The following KIFAP3 variants were observed in gnomAD, a reference collection of about 807,000 sequenced individuals.
KIFAP3 encodes the protein kinesin-associated protein 3.
In KIFAP3, 68 loss-of-function variants were observed where a neutral mutation model predicts 106.5. The ratio of observed to expected loss-of-function variants is 0.64; its 90% CI spans 0.53 to 0.78. KIFAP3 has a LOEUF of 0.78. Among genes scored for constraint, KIFAP3 ranks in the 30% least tolerant of loss-of-function variants. The pLI is 0.00. For synonymous variants in KIFAP3, 320 were observed against 311.5 expected (o/e 1.03, Z -0.29); for missense variants, 780 against 941.8 (o/e 0.83, Z 2.25).
chr1:169,929,211 A>C (rs1450550423), intron 19 of KIFAP3, among the ~76,000 whole-genome samples: 1 of 152,196 alleles, frequency 6.6e-6, no homozygotes, highest in Non-Finnish European at 1.5e-5. Context: ...TGTGGCATCC[A>C]TTGCTGTCGC....
intron 11 of KIFAP3, chr1:169,990,182 G>A (rs1355792893): frequency 7.1e-7 from 1 of 1,407,074 alleles, no homozygotes; most frequent in Non-Finnish European, 9.6e-7. Context: ...ACACTTTACA[G>A]ATGTTTAGAG....
At chr1:170,061,285 G>C (rs1014619483) in intron 1 of KIFAP3, among the ~76,000 whole-genome samples, 4 of 151,734 alleles carry the variant, frequency 2.6e-5, no homozygotes, top group African/African-American at 9.7e-5. Flanking sequence ...CTAATATCCA[G>C]AATCTACAAT....
intron 10 of KIFAP3, among the ~76,000 whole-genome samples, chr1:170,010,870 T>C (rs1238739540): frequency 6.6e-6 from 1 of 152,016 alleles, no homozygotes; most frequent in African/African-American, 2.4e-5. Flanking sequence ...AAATCACTTA[T>C]GCTAAGTTCT....
intron 1 of KIFAP3, chr1:170,067,800 C>G (rs975969355): frequency 1.3e-5 from 2 of 152,182 alleles, no homozygotes; most frequent in Non-Finnish European, 2.9e-5. Context: ...CTGGGTCAAA[C>G]AAAACACAAG....
chr1:170,007,706 T>C (rs889547646), intron 10 of KIFAP3, among the ~76,000 whole-genome samples: 2 of 152,090 alleles, frequency 1.3e-5, no homozygotes, highest in Non-Finnish European at 2.9e-5. Context: ...AAGTAATTTA[T>C]AGATTCAATG....
chr1:170,070,495 A>G (rs1016912025), intron 1 of KIFAP3, among the ~76,000 whole-genome samples: 8 of 152,124 alleles, frequency 5.3e-5, no homozygotes, highest in Admixed American at 4.6e-4. Context: ...AAACCCCAAC[A>G]TTTTTGGTCA....
At chr1:170,076,003 C>A (rs116328003), upstream of KIFAP3, among the ~76,000 whole-genome samples, 1,488 of 152,092 alleles carry the variant, frequency 9.8e-3, 10 homozygotes, top group Middle Eastern at 0.017. Flanking sequence ...ATATAGCAGG[C>A]TAGATTACTT....
chr1:170,052,795 T>C (rs754444460), intron 2 of KIFAP3, among the ~76,000 whole-genome samples: 22 of 152,060 alleles, frequency 1.4e-4, no homozygotes, highest in Admixed American at 7.2e-4. Flanking sequence ...TTCAACATCT[T>C]TTTATGTTAA....
chr1:170,070,520 A>G (rs994408812), intron 1 of KIFAP3, among the ~76,000 whole-genome samples: 1 of 152,112 alleles, frequency 6.6e-6, no homozygotes, highest in Non-Finnish European at 1.5e-5. Context: ...ATTTTCAAAA[A>G]AATTGCCCAA....
At chr1:169,945,901 C>T (rs191827112) in intron 19 of KIFAP3, among the ~76,000 whole-genome samples, 48 of 152,178 alleles carry the variant, frequency 3.2e-4, no homozygotes, top group Admixed American at 2.4e-3. Context: ...AGGTTATAGG[C>T]CCAATTTACT....
intron 7 of KIFAP3, among the ~76,000 whole-genome samples, chr1:170,033,881 C>A (rs1006066219): frequency 6.6e-6 from 1 of 151,794 alleles, no homozygotes; most frequent in Admixed American, 6.6e-5. Flanking sequence ...TTCACAGGTT[C>A]TATTATTCTA....
In KIFAP3 at chr1:170,040,270, G is replaced by A. The variant is rs574021990; in HGVS notation, c.320-982C>T. ...ATAAGGTTTCTGGCTTTGGAATACC[G>A]CTTACCAAGTAAAAGAGTTTTAACA... On this transcript the variant is annotated intron_variant, in intron 3 of 19. Transcript: ENST00000361580. Among the ~76,000 whole-genome samples, 15 of 152,084 alleles carry A rather than the reference G, an allele frequency of 9.9e-5. No homozygotes were observed. The East Asian group carries it at 1.7e-3, about 18-fold the overall frequency.
intron 18 of KIFAP3, 101 bp from the exon 19 acceptor site, chr1:169,954,211 A>C (rs893934908): frequency 9.6e-6 from 7 of 728,094 alleles, no homozygotes; most frequent in Non-Finnish European, 1.7e-5. Context: ...TTAATCTATA[A>C]AGAAAAATGT....
intron 15 of KIFAP3, among the ~76,000 whole-genome samples, chr1:169,980,614 G>A (rs548786158): frequency 6.6e-6 from 1 of 152,166 alleles, no homozygotes; most frequent in Non-Finnish European, 1.5e-5. Context: ...ACAGCTACAT[G>A]TGTTGGACAC....
chr1:169,985,827 G>T (rs1028406511), intron 11 of KIFAP3, among the ~76,000 whole-genome samples: 2 of 151,834 alleles, frequency 1.3e-5, no homozygotes, highest in African/African-American at 4.8e-5. Context: ...AGGTAAGAAG[G>T]AAAAGGTAGG....
intron 17 of KIFAP3, among the ~76,000 whole-genome samples, chr1:169,971,461 T>G (rs1665914652): frequency 6.6e-6 from 1 of 152,038 alleles, no homozygotes; most frequent in East Asian, 1.9e-4. Flanking sequence ...ATGTACAGTT[T>G]CTCTATTCTG....
Position 169,940,911 on chromosome 1 carries a change from A to ATGTGTG in KIFAP3, c.2273+13094_2273+13099dup, listed in dbSNP as rs3838394. Among the ~76,000 whole-genome samples, 66 of 148,132 alleles carry ATGTGTG rather than the reference A, an allele frequency of 4.5e-4. 1 individual carries two copies. The highest frequency in any genetic ancestry group is 2.6e-3 in the South Asian group (12 of 4,584). ...GAGCAGTTGCACTTGTTTAAGAATTATGTGTGTGTGTGTGTGTGTGTGTGT... is the reference window on the plus strand; with the variant it reads ...GAGCAGTTGCACTTGTTTAAGAATTATGTGTGTGTGTGTGTGTGTGTGTGTGTGTGT... On this transcript the variant is annotated intron_variant, in intron 19 of 19. Coordinates refer to ENST00000361580, the MANE Select transcript of KIFAP3 (RefSeq NM_014970.4).
chr1:170,038,466 T>C (rs772499193), intron 4 of KIFAP3, 35 bp from the exon 5 acceptor site: 3 of 1,590,488 alleles, frequency 1.9e-6, no homozygotes, highest in Non-Finnish European at 2.6e-6. Flanking sequence ...TCATCAACAA[T>C]GCTCAACAGA....
chr1:169,993,303 G>C (rs1667192193), intron 10 of KIFAP3, among the ~76,000 whole-genome samples: 1 of 150,684 alleles, frequency 6.6e-6, no homozygotes, highest in African/African-American at 2.4e-5. Context: ...GTAGAGACAG[G>C]GTTTCACCAT....
Sources: allele counts gnomAD v4.1 joint callset (sites outside exome capture counted in the v4.1 genomes callset), GRCh38; gene constraint gnomAD v4.1.1; transcripts MANE v1.5; gene names NCBI Gene and HGNC (gene_info 2026-07-23, HGNC 2026-07-21).